FGF12: variants seen among roughly 807,000 people sequenced by gnomAD.
FGF12 encodes the protein fibroblast growth factor 12B.
Under a neutral mutation model 23.6 loss-of-function variants are expected in FGF12, and 14 were observed. The ratio of observed to expected loss-of-function variants is 0.59; its 90% CI spans 0.39 to 0.93. FGF12 has a LOEUF of 0.93. Among genes scored for constraint, FGF12 ranks in the 40% least tolerant of loss-of-function variants. The pLI, the probability that FGF12 is intolerant of heterozygous loss-of-function variation, is 0.00. For synonymous variants in FGF12, 62 were observed against 77.3 expected, an observed-to-expected ratio of 0.80 and a Z score of 1.04; for missense variants, 175 against 217.8, an observed-to-expected ratio of 0.80 and a Z score of 1.24.
chr3:192,605,295 C>A (rs1297379936), intron 2 of FGF12, among the ~76,000 whole-genome samples: 1 of 151,458 alleles, frequency 6.6e-6, no homozygotes, highest in Non-Finnish European at 1.5e-5. Context: ...GCAGGAGAAT[C>A]TCTTGAACCT....
chr3:192,649,029 G>T (rs558909989), intron 2 of FGF12, among the ~76,000 whole-genome samples: 1 of 152,276 alleles, frequency 6.6e-6, no homozygotes, highest in South Asian at 2.1e-4. Flanking sequence ...ATCTTAAGGG[G>T]TCACTCTATC....
chr3:192,501,076 G>T (rs6779047), intron 2 of FGF12, among the ~76,000 whole-genome samples: 109,875 of 152,040 alleles, frequency 0.72, 41,274 homozygotes, highest in Non-Finnish European at 0.83. Context: ...AAAATAAGAT[G>T]CAGAGAGATA....
Position 192,545,807 on chromosome 3 carries a change from A to G in FGF12, c.13+181374T>C, listed in dbSNP as rs570115689. Among the ~76,000 whole-genome samples, 32 of 152,306 alleles carry G rather than the reference A, an allele frequency of 2.1e-4. No individual in the cohort carries two copies. The East Asian group carries it at 3.3e-3, about 16-fold the overall frequency. Reference sequence around the variant, plus strand: ...GTTGGAATTACCTGTCTCTACTCATAGTGAGCTTCTTTTTACTTTCAGAGG... The same window carrying G: ...GTTGGAATTACCTGTCTCTACTCATGGTGAGCTTCTTTTTACTTTCAGAGG... On this transcript the variant is annotated intron_variant, in intron 2 of 5. Transcript: ENST00000445105.
chr3:192,250,041 C>T (rs1711901290), intron 4 of FGF12, among the ~76,000 whole-genome samples: 1 of 152,110 alleles, frequency 6.6e-6, no homozygotes, highest in Non-Finnish European at 1.5e-5. Context: ...TTAAAACAAC[C>T]TTATTATCGA....
chr3:192,519,326 A>G (rs908543924), intron 2 of FGF12, among the ~76,000 whole-genome samples: 2 of 152,106 alleles, frequency 1.3e-5, no homozygotes, highest in African/African-American at 4.8e-5. Context: ...TTGGTCAAAT[A>G]TTTTGCGGAA....
chr3:192,309,142 T>C (rs1715806980), intron 4 of FGF12, among the ~76,000 whole-genome samples: 1 of 152,046 alleles, frequency 6.6e-6, no homozygotes, highest in Admixed American at 6.5e-5. Flanking sequence ...AAATTGACTA[T>C]AAAAAATAAC....
intron 2 of FGF12, among the ~76,000 whole-genome samples, chr3:192,501,311 A>G (rs558516883): frequency 6.6e-6 from 1 of 152,328 alleles, no homozygotes; most frequent in South Asian, 2.1e-4. Flanking sequence ...AATAAATATG[A>G]CATAAAGTCA....
At chr3:192,660,261 C>CA (rs1433262832) in intron 2 of FGF12, among the ~76,000 whole-genome samples, 1 of 148,914 alleles carries the variant, frequency 6.7e-6, no homozygotes, top group Non-Finnish European at 1.5e-5. Flanking sequence ...ATCGCAAGGA[C>CA]AAAAAACCAA....
In FGF12 at chr3:192,243,758, T is replaced by C. The variant is rs866125567; in HGVS notation, c.229-73102A>G. ...GAGTCTGTCAAACACACGGTACTTATGAAAATGCAAAAATTTTTGTATTAC... is the reference window on the plus strand; with the variant it reads ...GAGTCTGTCAAACACACGGTACTTACGAAAATGCAAAAATTTTTGTATTAC... On this transcript the variant is annotated intron_variant, in intron 4 of 5. Transcript: ENST00000445105. Among the ~76,000 whole-genome samples, 8 of 152,122 alleles carry C rather than the reference T, an allele frequency of 5.3e-5. No homozygotes were observed. In the East Asian group the frequency reaches 1.2e-3, roughly 22 times the overall value.
At chr3:192,428,716 A>G (rs1003220356) in intron 2 of FGF12, among the ~76,000 whole-genome samples, 1 of 152,120 alleles carries the variant, frequency 6.6e-6, no homozygotes, top group Admixed American at 6.5e-5. Flanking sequence ...GAGAAAAAAA[A>G]CCTGTATATT....
At chr3:192,181,817 G>C (rs1181737629) in intron 4 of FGF12, among the ~76,000 whole-genome samples, 3 of 151,822 alleles carry the variant, frequency 2.0e-5, no homozygotes, top group Non-Finnish European at 4.4e-5. Context: ...TTTTAGTAGA[G>C]ACAGGGTTTT....
At chr3:192,674,900 T>C (rs1442746820) in intron 2 of FGF12, among the ~76,000 whole-genome samples, 1 of 152,238 alleles carries the variant, frequency 6.6e-6, no homozygotes, top group African/African-American at 2.4e-5. Flanking sequence ...TAGAGAAGGA[T>C]AGGTTTTAGG....
chr3:192,584,198 C>G (rs942916616), intron 2 of FGF12, among the ~76,000 whole-genome samples: 1 of 152,064 alleles, frequency 6.6e-6, no homozygotes, highest in Non-Finnish European at 1.5e-5. Flanking sequence ...TCTTTGATAC[C>G]TTTGTTAACC....
chr3:192,687,701 C>T lies in FGF12; in HGVS notation c.13+39480G>A, dbSNP rs532280178. Among the ~76,000 whole-genome samples, 5 of 152,244 alleles carry T rather than the reference C, an allele frequency of 3.3e-5. No individual in the cohort carries two copies. In the East Asian group the frequency reaches 7.8e-4, roughly 24 times the overall value. ...GTAAGTAGCAGGCCCCACCCCCCAG[C>T]TCCTGCCTCCACCACTATTCTTGTA... On this transcript the variant is annotated intron_variant, in intron 2 of 5. Coordinates refer to ENST00000445105, the MANE Select transcript of FGF12 (RefSeq NM_004113.6).
chr3:192,288,170 CTT>C (rs1450409276), intron 4 of FGF12, among the ~76,000 whole-genome samples: 1 of 152,084 alleles, frequency 6.6e-6, no homozygotes, highest in Non-Finnish European at 1.5e-5. Flanking sequence ...CAGGGAAAAA[CTT>C]AGTTTGTGAA....
chr3:192,679,751 C>G (rs757947663), intron 2 of FGF12, among the ~76,000 whole-genome samples: 7 of 152,190 alleles, frequency 4.6e-5, no homozygotes, highest in Admixed American at 1.3e-4. Context: ...CCTTATTATT[C>G]TAAAGCTTCT....
At chr3:192,417,660 A>G (rs1488850989) in intron 2 of FGF12, among the ~76,000 whole-genome samples, 2 of 152,144 alleles carry the variant, frequency 1.3e-5, no homozygotes, top group Non-Finnish European at 2.9e-5. Context: ...AAAACAAGAA[A>G]TAAATGTTTG....
intron 4 of FGF12, among the ~76,000 whole-genome samples, chr3:192,319,551 C>T (rs751590446): frequency 3.9e-5 from 6 of 151,936 alleles, no homozygotes; most frequent in African/African-American, 1.2e-4. Flanking sequence ...GAGCTGAGAT[C>T]GCACCACTGC....
chr3:192,310,718 T>A (rs1339654739), intron 4 of FGF12, among the ~76,000 whole-genome samples: 3 of 152,332 alleles, frequency 2.0e-5, no homozygotes, highest in Middle Eastern at 3.4e-3. Context: ...GAGATATGTA[T>A]AATTTTTTTA....
Sources: allele counts gnomAD v4.1 joint callset (sites outside exome capture counted in the v4.1 genomes callset), GRCh38; gene constraint gnomAD v4.1.1; transcripts MANE v1.5; gene names NCBI Gene and HGNC (gene_info 2026-07-23, HGNC 2026-07-21).